Variants in CNTNAP2 observed in about 807,000 individuals in gnomAD.
CNTNAP2 encodes contactin-associated protein-like 2.
A neutral mutation model predicts 155.2 loss-of-function variants in CNTNAP2; 98 were observed. That is an observed-to-expected ratio of 0.63 (90% CI 0.54 to 0.75). The LOEUF is 0.75. Among genes scored for constraint, CNTNAP2 ranks in the 30% least tolerant of loss-of-function variants. CNTNAP2 has a pLI of 0.00. For synonymous variants in CNTNAP2, 651 were observed against 631.2 expected, an observed-to-expected ratio of 1.03 and a Z score of -0.47; for missense variants, 1,727 against 1,688.1, an observed-to-expected ratio of 1.02 and a Z score of -0.40.
At chr7:146,139,911 T>A (rs1797853743) in intron 1 of CNTNAP2, among the ~76,000 whole-genome samples, 1 of 152,158 alleles carries the variant, frequency 6.6e-6, no homozygotes, top group African/African-American at 2.4e-5. Context: ...ATGTCAGTCA[T>A]CTTTGCATTA....
intron 9 of CNTNAP2, among the ~76,000 whole-genome samples, chr7:147,390,274 A>T (rs1309057617): frequency 6.6e-6 from 1 of 152,102 alleles, no homozygotes; most frequent in South Asian, 2.1e-4. Context: ...ATTAAAACTG[A>T]TTTGAGATTA....
intron 8 of CNTNAP2, among the ~76,000 whole-genome samples, chr7:147,259,694 C>G (rs1804413312): frequency 6.6e-6 from 1 of 152,140 alleles, no homozygotes; most frequent in East Asian, 1.9e-4. Context: ...AAGACAAGAG[C>G]ATCGTCTTAA....
At chr7:148,353,827 T>C (rs1040294008) in intron 21 of CNTNAP2, among the ~76,000 whole-genome samples, 5 of 152,252 alleles carry the variant, frequency 3.3e-5, no homozygotes, top group African/African-American at 1.2e-4. Context: ...GTACAAATTA[T>C]ACCTCAATGA....
intron 1 of CNTNAP2, among the ~76,000 whole-genome samples, chr7:146,527,362 A>G (rs1275438471): frequency 2.0e-5 from 3 of 152,178 alleles, no homozygotes; most frequent in African/African-American, 7.2e-5. Context: ...ATAAATTTTT[A>G]TTCAATACCT....
At chr7:146,463,875 C>T (rs189258056) in intron 1 of CNTNAP2, among the ~76,000 whole-genome samples, 1 of 151,948 alleles carries the variant, frequency 6.6e-6, no homozygotes, top group African/African-American at 2.4e-5. Context: ...TTATCTGTTT[C>T]CCATAAAAAC....
intron 2 of CNTNAP2, among the ~76,000 whole-genome samples, chr7:146,835,834 T>C (rs1227359621): frequency 1.3e-5 from 2 of 152,034 alleles, no homozygotes; most frequent in African/African-American, 2.4e-5. Flanking sequence ...TTAGGTGAAA[T>C]GCAGTTTCAA....
intron 11 of CNTNAP2, among the ~76,000 whole-genome samples, chr7:147,557,606 T>C (rs1799975954): frequency 6.6e-6 from 1 of 152,152 alleles, no homozygotes; most frequent in South Asian, 2.1e-4. Flanking sequence ...TAGGGCTTAA[T>C]GTGCAAAAAT....
chr7:147,522,040 G>A (rs1242872748), intron 11 of CNTNAP2, among the ~76,000 whole-genome samples: 1 of 152,238 alleles, frequency 6.6e-6, no homozygotes, highest in Admixed American at 6.5e-5. Context: ...AGATTCTGAT[G>A]AGGGTCCCCT....
chr7:147,302,352 C>T (rs1192218219), intron 9 of CNTNAP2, among the ~76,000 whole-genome samples: 1 of 152,190 alleles, frequency 6.6e-6, no homozygotes, highest in African/African-American at 2.4e-5. Context: ...TGTAACCACA[C>T]ATTCATGGCA....
At chr7:147,883,951 C>A (rs576705286) in intron 13 of CNTNAP2, among the ~76,000 whole-genome samples, 5 of 152,050 alleles carry the variant, frequency 3.3e-5, no homozygotes, top group African/African-American at 9.7e-5. Context: ...AAAACAGTAT[C>A]TAATATTAGA....
At chr7:146,877,670 T>G (rs1363971852) in intron 3 of CNTNAP2, among the ~76,000 whole-genome samples, 3 of 151,906 alleles carry the variant, frequency 2.0e-5, no homozygotes, top group East Asian at 3.9e-4. Context: ...TATACATATA[T>G]GTATACATAT....
intron 13 of CNTNAP2, among the ~76,000 whole-genome samples, chr7:147,681,583 T>C (rs1393016461): frequency 6.6e-6 from 1 of 151,964 alleles, no homozygotes; most frequent in African/African-American, 2.4e-5. Flanking sequence ...GTCTCTGACA[T>C]GCAGAAATGA....
chr7:147,203,389 G>A (rs1304983954), intron 8 of CNTNAP2, among the ~76,000 whole-genome samples: 1 of 152,038 alleles, frequency 6.6e-6, no homozygotes, highest in Admixed American at 6.5e-5. Context: ...CCACCACCAT[G>A]CCCAGCTAAT....
chr7:147,761,385 G>C (rs1797296098), intron 13 of CNTNAP2, among the ~76,000 whole-genome samples: 1 of 152,106 alleles, frequency 6.6e-6, no homozygotes, highest in Non-Finnish European at 1.5e-5. Flanking sequence ...ACATGCCTGT[G>C]CTTATAAAAA....
At chr7:146,957,932 C>A (rs1262543877) in intron 3 of CNTNAP2, among the ~76,000 whole-genome samples, 1 of 152,136 alleles carries the variant, frequency 6.6e-6, no homozygotes, top group Non-Finnish European at 1.5e-5. Context: ...CAATCTTTAT[C>A]ATTCTAAATC....
At chr7:146,781,238 A>C (rs960579337) in intron 2 of CNTNAP2, among the ~76,000 whole-genome samples, 9 of 151,474 alleles carry the variant, frequency 5.9e-5, no homozygotes, top group South Asian at 2.1e-4. Context: ...AAAAAAAAAA[A>C]AACAAAAAAA....
At chr7:146,882,918 G>A (rs1795582147) in intron 3 of CNTNAP2, among the ~76,000 whole-genome samples, 1 of 152,150 alleles carries the variant, frequency 6.6e-6, no homozygotes, top group Non-Finnish European at 1.5e-5. Context: ...AAAGAAATCA[G>A]AGATGATGCA....
intron 8 of CNTNAP2, among the ~76,000 whole-genome samples, chr7:147,229,511 G>A (rs1051326687): frequency 1.8e-4 from 28 of 152,184 alleles, no homozygotes; most frequent in African/African-American, 6.8e-4. Context: ...GTTACACAGT[G>A]TTTCCAGTTG....
intron 3 of CNTNAP2, among the ~76,000 whole-genome samples, chr7:146,868,718 A>G (rs1443370131): frequency 6.6e-6 from 1 of 152,022 alleles, no homozygotes; most frequent in East Asian, 1.9e-4. Context: ...TTCTCATTGT[A>G]GAGATCTTTC....
Sources: allele counts gnomAD v4.1 joint callset (sites outside exome capture counted in the v4.1 genomes callset), GRCh38; gene constraint gnomAD v4.1.1; transcripts MANE v1.5; gene names NCBI Gene and HGNC (gene_info 2026-07-23, HGNC 2026-07-21).